The following KCNH8 variants were observed in gnomAD, a reference collection of about 807,000 sequenced individuals.
The protein encoded by KCNH8 is potassium voltage-gated channel subfamily H member 8.
A neutral mutation model predicts 103.6 loss-of-function variants in KCNH8; 70 were observed. The observed-to-expected ratio is 0.68, with a 90% CI of 0.56 to 0.82. The LOEUF is 0.82. Among genes scored for constraint, KCNH8 ranks in the 40% least tolerant of loss-of-function variants. KCNH8 has a pLI of 0.00. For synonymous variants in KCNH8, 498 were observed against 489.4 expected, an observed-to-expected ratio of 1.02 and a Z score of -0.23; for missense variants, 1,217 against 1,329.9, an observed-to-expected ratio of 0.92 and a Z score of 1.32.
chr3:19,324,409 G>C lies in KCNH8; in HGVS notation c.443-18178G>C, dbSNP rs146906419. 7.9e-3 allele frequency among the ~76,000 whole-genome samples: 1,201 copies of C among 152,224 alleles called. 22 individuals carry two copies. The highest frequency in any genetic ancestry group is 0.028 in the African/African-American group (1,154 of 41,530). On this transcript the variant is annotated intron_variant, in intron 3 of 15. Transcript: ENST00000328405. ...CTTCCAAACACTTACAAAACCATCA[G>C]ATCTCATGAGAACTCACTCACTATC...
At chr3:19,286,491 C>G (rs2064833880) in intron 3 of KCNH8, among the ~76,000 whole-genome samples, 1 of 152,134 alleles carries the variant, frequency 6.6e-6, no homozygotes, top group Non-Finnish European at 1.5e-5. Flanking sequence ...TCTTGAATCT[C>G]TAACCACCAG....
intron 7 of KCNH8, among the ~76,000 whole-genome samples, chr3:19,424,963 G>A (rs971749758): frequency 1.8e-4 from 27 of 152,010 alleles, no homozygotes; most frequent in Non-Finnish European, 2.5e-4. Flanking sequence ...CCATCCCCAC[G>A]TCATTTGTGG....
chr3:19,230,562 A>G (rs550047952), intron 1 of KCNH8, among the ~76,000 whole-genome samples: 8 of 152,352 alleles, frequency 5.3e-5, no homozygotes, highest in Non-Finnish European at 1.0e-4. Context: ...AAATGGTTAT[A>G]GGGAAAATGC....
At chr3:19,465,245 A>C (rs970709019) in intron 11 of KCNH8, among the ~76,000 whole-genome samples, 18 of 152,142 alleles carry the variant, frequency 1.2e-4, no homozygotes, top group African/African-American at 4.3e-4. Context: ...AGTTGAGGCT[A>C]ATGCTCATTT....
At chr3:19,494,973 G>A (rs1274330980) in intron 11 of KCNH8, among the ~76,000 whole-genome samples, 2 of 151,986 alleles carry the variant, frequency 1.3e-5, no homozygotes, top group Non-Finnish European at 1.5e-5. Flanking sequence ...TTTTTCATAT[G>A]TTTTCTAGCC....
At chr3:19,496,725 T>A (rs532158829) in intron 11 of KCNH8, among the ~76,000 whole-genome samples, 27 of 152,106 alleles carry the variant, frequency 1.8e-4, no homozygotes, top group Non-Finnish European at 3.4e-4. Flanking sequence ...TAGGAAGGAG[T>A]CTATCCTCCT....
intron 7 of KCNH8, among the ~76,000 whole-genome samples, chr3:19,408,020 G>A (rs1381657889): frequency 6.6e-6 from 1 of 152,066 alleles, no homozygotes; most frequent in Non-Finnish European, 1.5e-5. Context: ...CCCACCCCTT[G>A]GAGAGTGAGC....
chr3:19,268,637 A>G (rs1308475488), intron 2 of KCNH8, among the ~76,000 whole-genome samples: 2 of 152,164 alleles, frequency 1.3e-5, no homozygotes, highest in Admixed American at 1.3e-4. Flanking sequence ...AGTAATCCAC[A>G]TAAGAGATGA....
chr3:19,350,242 T>G (rs1420940925), intron 5 of KCNH8, among the ~76,000 whole-genome samples: 1 of 152,122 alleles, frequency 6.6e-6, no homozygotes, highest in Non-Finnish European at 1.5e-5. Flanking sequence ...GTTAAAATAC[T>G]GGGGACAAAA....
intron 7 of KCNH8, among the ~76,000 whole-genome samples, chr3:19,397,043 G>A (rs1224857670): frequency 6.6e-6 from 1 of 151,776 alleles, no homozygotes; most frequent in African/African-American, 2.4e-5. Flanking sequence ...AAAGCCTTTT[G>A]TTTCATTTCC....
At chr3:19,444,754 T>C (rs1348230) in intron 8 of KCNH8, among the ~76,000 whole-genome samples, 115,808 of 151,652 alleles carry the variant, frequency 0.76, 45,232 homozygotes, top group African/African-American at 0.94. Flanking sequence ...AGGTGCTCAA[T>C]GTCATTAATC....
chr3:19,488,980 G>T (rs534137818), intron 11 of KCNH8, among the ~76,000 whole-genome samples: 1 of 152,144 alleles, frequency 6.6e-6, no homozygotes, highest in African/African-American at 2.4e-5. Flanking sequence ...AATTGAGGAG[G>T]TCAGCAGAGG....
intron 1 of KCNH8, among the ~76,000 whole-genome samples, chr3:19,214,035 C>T (rs1284283278): frequency 6.6e-6 from 1 of 152,148 alleles, no homozygotes; most frequent in Admixed American, 6.5e-5. Flanking sequence ...CCCGCCTGCC[C>T]GTGGGATTAG....
chr3:19,403,399 T>A lies in KCNH8; in HGVS notation c.1177+8088T>A, dbSNP rs866833548. On this transcript the variant is annotated intron_variant, in intron 7 of 15. Coordinates refer to ENST00000328405, the MANE Select transcript of KCNH8 (RefSeq NM_144633.3). Reference sequence around the variant, plus strand: ...ATATATATATATATATATATATATATAAAATCCTTCTGTTTATGGTATTAC... The same window carrying A: ...ATATATATATATATATATATATATAAAAAATCCTTCTGTTTATGGTATTAC... Among the ~76,000 whole-genome samples, 32 of 139,790 alleles carry A rather than the reference T, an allele frequency of 2.3e-4. No individual in the cohort carries two copies. In the East Asian group the frequency reaches 3.6e-3, roughly 16 times the overall value. The allele number at this position is 139,790 out of a possible 152,430, so 91.7% of individuals were successfully genotyped here.
chr3:19,360,063 C>G (rs1466622645), intron 5 of KCNH8, among the ~76,000 whole-genome samples: 2 of 151,820 alleles, frequency 1.3e-5, no homozygotes, highest in Admixed American at 1.3e-4. Flanking sequence ...AAAGCATGAG[C>G]AAAAGCCTAA....
chr3:19,314,462 C>G (rs925496351), intron 3 of KCNH8, among the ~76,000 whole-genome samples: 2 of 151,870 alleles, frequency 1.3e-5, no homozygotes, highest in Admixed American at 6.6e-5. Flanking sequence ...CTTAGCTCCT[C>G]AGGAGGCTAA....
intron 11 of KCNH8, among the ~76,000 whole-genome samples, chr3:19,477,386 G>A (rs759633705): frequency 4.6e-5 from 7 of 151,100 alleles, no homozygotes; most frequent in South Asian, 2.1e-4. Context: ...ACATTGGACC[G>A]AGAACTTAAC....
chr3:19,437,858 G>A lies in KCNH8; in HGVS notation c.1178-306G>A, dbSNP rs556932138. 5.3e-5 allele frequency among the ~76,000 whole-genome samples: 8 copies of A among 152,244 alleles called. No homozygotes were observed. In the South Asian group the frequency reaches 1.7e-3, roughly 32 times the overall value. On this transcript the variant is annotated intron_variant, in intron 7 of 15. Transcript: ENST00000328405. ...CAGGGCAAGTGAAATAAACAACACT[G>A]TTTCTGAGAGTAGCCATCCCTGCAG...
chr3:19,475,383 G>T (rs925644151), intron 11 of KCNH8, among the ~76,000 whole-genome samples: 28 of 152,146 alleles, frequency 1.8e-4, no homozygotes, highest in Admixed American at 1.8e-3. Context: ...ACAAAGAGAA[G>T]CTCCTCATAT....
Sources: allele counts gnomAD v4.1 joint callset (sites outside exome capture counted in the v4.1 genomes callset), GRCh38; gene constraint gnomAD v4.1.1; transcripts MANE v1.5; gene names NCBI Gene and HGNC (gene_info 2026-07-23, HGNC 2026-07-21).